Variants in GPC5 observed in about 807,000 individuals in gnomAD.
GPC5 encodes glypican 5.
A neutral mutation model predicts 53.9 loss-of-function variants in GPC5; 47 were observed. The observed-to-expected ratio is 0.87, with a 90% CI of 0.69 to 1.11. The LOEUF is 1.11. GPC5 is among the 50% of genes most tolerant of loss of function. The probability of loss-of-function intolerance (pLI) is 0.00; values close to 1 mark genes in which losing one functional copy is unlikely to be tolerated. For missense variants in GPC5, 748 were observed against 713.1 expected (o/e 1.05, Z -0.56); for synonymous variants, 286 against 263.3 (o/e 1.09, Z -0.84).
At chr13:91,644,435 G>A (rs970354772) in intron 2 of GPC5, among the ~76,000 whole-genome samples, 3 of 152,132 alleles carry the variant, frequency 2.0e-5, no homozygotes, top group African/African-American at 7.2e-5. Context: ...TCAGTCATGG[G>A]AATTTGAAAA....
At chr13:92,731,419 G>A (rs1256297068) in intron 7 of GPC5, among the ~76,000 whole-genome samples, 1 of 151,160 alleles carries the variant, frequency 6.6e-6, no homozygotes, top group Non-Finnish European at 1.5e-5. Flanking sequence ...AAAACTGGGG[G>A]AAATATATTC....
intron 5 of GPC5, among the ~76,000 whole-genome samples, chr13:91,895,426 G>A (rs1045175383): frequency 4.6e-5 from 7 of 152,106 alleles, no homozygotes; most frequent in Admixed American, 2.0e-4. Flanking sequence ...AATTACCCTT[G>A]ACTACAAGGT....
chr13:92,418,975 T>G (rs2139359485), intron 7 of GPC5, among the ~76,000 whole-genome samples: 1 of 152,270 alleles, frequency 6.6e-6, no homozygotes. Context: ...AGAGTAAACA[T>G]TGCTTGTCTA....
chr13:92,131,148 C>T (rs1254473447), intron 6 of GPC5, among the ~76,000 whole-genome samples: 1 of 151,854 alleles, frequency 6.6e-6, no homozygotes, highest in African/African-American at 2.4e-5. Context: ...ACTATATACC[C>T]ACTAAATACC....
chr13:92,629,421 T>G (rs547007915), intron 7 of GPC5, among the ~76,000 whole-genome samples: 35 of 152,254 alleles, frequency 2.3e-4, no homozygotes, highest in African/African-American at 7.9e-4. Context: ...TGTGGGGGGA[T>G]TATTTCATTT....
chr13:91,647,058 A>AATAT (rs1411152503), intron 2 of GPC5, among the ~76,000 whole-genome samples: 2 of 145,060 alleles, frequency 1.4e-5, no homozygotes, highest in African/African-American at 5.2e-5. Flanking sequence ...TGCTAAGGAT[A>AATAT]ATATATATAT....
At chr13:92,561,865 G>A (rs1254928301) in intron 7 of GPC5, among the ~76,000 whole-genome samples, 1 of 151,960 alleles carries the variant, frequency 6.6e-6, no homozygotes, top group Non-Finnish European at 1.5e-5. Context: ...ATAAAGTTGT[G>A]GATATTTAGA....
chr13:91,640,037 G>C lies in GPC5; in HGVS notation c.326-53150G>C, dbSNP rs568558704. Reference sequence around the variant, plus strand: ...ACTCTTTTTTTTTTCATTGTCTTTTGGGAAGAAATATAAATAATACCCATA... The same window carrying C: ...ACTCTTTTTTTTTTCATTGTCTTTTCGGAAGAAATATAAATAATACCCATA... On this transcript the variant is annotated intron_variant, in intron 2 of 7. Coordinates refer to ENST00000377067, the MANE Select transcript of GPC5 (RefSeq NM_004466.6). Among the ~76,000 whole-genome samples, 5 of 150,920 alleles carry C rather than the reference G, an allele frequency of 3.3e-5. No individual in the cohort carries two copies. The East Asian group carries it at 9.7e-4, about 29-fold the overall frequency.
intron 5 of GPC5, among the ~76,000 whole-genome samples, chr13:91,899,106 T>C (rs1165447486): frequency 6.6e-6 from 1 of 152,168 alleles, no homozygotes; most frequent in African/African-American, 2.4e-5. Context: ...ACCTTCATAA[T>C]AAACTAGCCC....
At chr13:91,862,373 A>G (rs1023306398) in intron 5 of GPC5, among the ~76,000 whole-genome samples, 1 of 152,206 alleles carries the variant, frequency 6.6e-6, no homozygotes, top group Non-Finnish European at 1.5e-5. Context: ...TTTGCCCTCC[A>G]GGAAACATCT....
intron 7 of GPC5, among the ~76,000 whole-genome samples, chr13:92,637,520 A>C (rs1238707238): frequency 6.6e-6 from 1 of 152,188 alleles, no homozygotes; most frequent in Non-Finnish European, 1.5e-5. Flanking sequence ...ACCTTGAATC[A>C]GTTAGAATAC....
intron 5 of GPC5, among the ~76,000 whole-genome samples, chr13:91,788,583 T>C (rs2037914326): frequency 6.6e-6 from 1 of 152,248 alleles, no homozygotes; most frequent in South Asian, 2.1e-4. Context: ...ATCCTAACTT[T>C]ATTTTACATT....
intron 6 of GPC5, among the ~76,000 whole-genome samples, chr13:91,934,396 A>G (rs1436189276): frequency 6.6e-6 from 1 of 151,978 alleles, no homozygotes; most frequent in East Asian, 1.9e-4. Flanking sequence ...GCAGTGACAC[A>G]TTGCAGATTG....
chr13:91,480,411 G>T (rs1883235981), intron 2 of GPC5, among the ~76,000 whole-genome samples: 1 of 152,162 alleles, frequency 6.6e-6, no homozygotes, highest in Non-Finnish European at 1.5e-5. Context: ...TCTCTATAAA[G>T]AGCGATGAGT....
At chr13:92,836,942 A>G (rs552335094) in intron 7 of GPC5, among the ~76,000 whole-genome samples, 2 of 152,030 alleles carry the variant, frequency 1.3e-5, no homozygotes, top group Non-Finnish European at 2.9e-5. Flanking sequence ...AGTAATAACT[A>G]AATATAATTA....
At chr13:91,416,532 A>G (rs550384753) in intron 1 of GPC5, among the ~76,000 whole-genome samples, 1 of 151,962 alleles carries the variant, frequency 6.6e-6, no homozygotes, top group Non-Finnish European at 1.5e-5. Flanking sequence ...ATATGTATAC[A>G]TGTGCCATGT....
At chr13:91,486,358 A>G (rs1033968671) in intron 2 of GPC5, 2 of 152,192 alleles carry the variant, frequency 1.3e-5, no homozygotes, top group African/African-American at 2.4e-5. Context: ...TCTTAACTAG[A>G]CATTGGCCTT....
chr13:91,509,640 T>G (rs903708243), intron 2 of GPC5, among the ~76,000 whole-genome samples: 5 of 152,022 alleles, frequency 3.3e-5, no homozygotes, highest in African/African-American at 1.2e-4. Context: ...GAGTTTTATA[T>G]TAAACTATTA....
chr13:92,546,264 A>C (rs568351677), intron 7 of GPC5, among the ~76,000 whole-genome samples: 1 of 152,172 alleles, frequency 6.6e-6, no homozygotes, highest in African/African-American at 2.4e-5. Context: ...TATCTAGAAA[A>C]CCCCATCGTC....
Sources: gnomAD v4.1 joint callset for allele counts (sites outside exome capture counted in the v4.1 genomes callset) on GRCh38, gnomAD v4.1.1 for gene constraint, MANE v1.5 for transcripts, NCBI Gene and HGNC (gene_info 2026-07-23, HGNC 2026-07-21) for gene names.